The following CES5A variants were observed in gnomAD, a reference collection of about 807,000 sequenced individuals.
CES5A encodes the protein carboxylesterase 5.
CES5A carries 67 observed loss-of-function variants against 62.9 expected under a neutral mutation model. The ratio of observed to expected loss-of-function variants is 1.07; its 90% CI spans 0.88 to 1.31. CES5A has a LOEUF of 1.31. Among genes scored for constraint, CES5A ranks in the 50% most tolerant of loss-of-function variants. The pLI is 0.00. For synonymous variants in CES5A, 296 were observed against 280.8 expected, an observed-to-expected ratio of 1.05 and a Z score of -0.54; for missense variants, 748 against 708.5, an observed-to-expected ratio of 1.06 and a Z score of -0.63.
intron 1 of CES5A, among the ~76,000 whole-genome samples, chr16:55,883,824 A>T (rs2033786242): frequency 6.6e-6 from 1 of 152,112 alleles, no homozygotes. Context: ...ATCACTCCCA[A>T]CTGATGCACC....
chr16:55,869,415 G>C, intron 4 of CES5A, 196 bp downstream of exon 4: 1 of 1,045,830 alleles, frequency 9.6e-7, no homozygotes. Flanking sequence ...AAGTGAGAAA[G>C]AGATTTTTAT....
chr16:55,892,287 C>T (rs1306748019), intron 1 of CES5A, among the ~76,000 whole-genome samples: 1 of 152,162 alleles, frequency 6.6e-6, no homozygotes. Context: ...TTCAAATTGT[C>T]CCACCTTTCT....
At chr16:55,946,815 G>A (rs904827380) in intron 2 of CES5A, among the ~76,000 whole-genome samples, 2 of 152,208 alleles carry the variant, frequency 1.3e-5, no homozygotes, top group Non-Finnish European at 2.9e-5. Flanking sequence ...CTGGCCTTTG[G>A]TTTGATCCAG....
At chr16:55,913,918 A>G (rs1358714133) in intron 1 of CES5A, among the ~76,000 whole-genome samples, 1 of 152,162 alleles carries the variant, frequency 6.6e-6, no homozygotes, top group East Asian at 1.9e-4. Flanking sequence ...CCTGCAGCTC[A>G]CTAGGTGAGG....
At chr16:55,946,063 A>G (rs1230031499) in intron 2 of CES5A, among the ~76,000 whole-genome samples, 2 of 152,202 alleles carry the variant, frequency 1.3e-5, no homozygotes, top group Admixed American at 1.3e-4. Context: ...TAGCATTCGG[A>G]ATTCACTTAA....
intron 1 of CES5A, among the ~76,000 whole-genome samples, chr16:55,880,727 A>G (rs1310760789): frequency 6.6e-6 from 1 of 152,200 alleles, no homozygotes; most frequent in East Asian, 1.9e-4. Flanking sequence ...CTAGGTATAG[A>G]GGCAAGGGTA....
exon 1 of CES5A, chr16:55,955,940 C>T: frequency 2.0e-6 from 3 of 1,513,552 alleles, no homozygotes; most frequent in Non-Finnish European, 2.7e-6. Flanking sequence ...GGCCTTGACA[C>T]AGAGCCCCAG....
upstream of CES5A, among the ~76,000 whole-genome samples, chr16:55,926,252 T>C (rs556080603): frequency 5.0e-4 from 76 of 152,346 alleles, 1 homozygote; most frequent in Middle Eastern, 3.4e-3. Context: ...ACATCTATTA[T>C]GTATAAATTT....
chr16:55,943,404 A>T (rs1254170537), intron 2 of CES5A, among the ~76,000 whole-genome samples: 1 of 152,034 alleles, frequency 6.6e-6, no homozygotes, highest in Admixed American at 6.5e-5. Context: ...AGGTGTTAGG[A>T]CTCCACAGCC....
intron 5 of CES5A, among the ~76,000 whole-genome samples, chr16:55,865,174 C>G (rs2033431064): frequency 6.6e-6 from 1 of 152,102 alleles, no homozygotes; most frequent in South Asian, 2.1e-4. Flanking sequence ...CCATTGCACT[C>G]CAGCCTGGGC....
intron 1 of CES5A, among the ~76,000 whole-genome samples, chr16:55,882,108 TAG>T (rs1419388219): frequency 6.6e-6 from 1 of 152,198 alleles, no homozygotes; most frequent in East Asian, 1.9e-4. Context: ...AATCCCTTAC[TAG>T]ATCTTTCCAG....
intron 1 of CES5A, among the ~76,000 whole-genome samples, chr16:55,914,972 T>G (rs1460995468): frequency 1.3e-5 from 2 of 152,140 alleles, no homozygotes; most frequent in African/African-American, 2.4e-5. Context: ...TACTCTTGTG[T>G]AAATCTCAAA....
intron 5 of CES5A, among the ~76,000 whole-genome samples, chr16:55,864,079 C>T (rs180765783): frequency 6.6e-6 from 1 of 152,174 alleles, no homozygotes; most frequent in African/African-American, 2.4e-5. Flanking sequence ...TCGGTTCACT[C>T]CCCTGTAAAA....
chr16:55,871,476 C>T (rs551640372), intron 3 of CES5A, 149 bp downstream of exon 3: 7 of 810,530 alleles, frequency 8.6e-6, no homozygotes, highest in East Asian at 5.5e-5. Flanking sequence ...ATCTATCATT[C>T]AAATGATTTT....
intron 1 of CES5A, among the ~76,000 whole-genome samples, chr16:55,906,740 C>A (rs192607273): frequency 4.0e-4 from 61 of 152,252 alleles, no homozygotes; most frequent in East Asian, 9.7e-4. Flanking sequence ...TAAGACAGAC[C>A]TTGCAGGCAG....
chr16:55,936,090 C>A lies in CES5A; in HGVS notation c.160+13695G>T, dbSNP rs541617195. ...TTCCTCCTGACTTCAGTTCGGCATT[C>A]TCTGATGTGGTGCTTCAACTCTCAC... On this transcript the variant is annotated intron_variant, in intron 2 of 13. Coordinates refer to the CES5A transcript ENST00000521992. Among the ~76,000 whole-genome samples the A allele has an allele frequency of 8.5e-5, 13 of 152,262 alleles. No individual in the cohort carries two copies. In the South Asian group the frequency reaches 2.7e-3, roughly 32 times the overall value.
chr16:55,861,683 G>A (rs2033354990), intron 6 of CES5A, among the ~76,000 whole-genome samples, 167 bp from the exon 7 acceptor site: 1 of 151,934 alleles, frequency 6.6e-6, no homozygotes, highest in Admixed American at 6.5e-5. Context: ...GCACATGGTG[G>A]ACAGTTTCCC....
chr16:55,871,768 GAGA>G lies in CES5A; in HGVS notation c.279-8_279-6del, dbSNP rs2033594145. The G allele has an allele frequency of 6.2e-7, 1 of 1,613,708 alleles. No homozygotes were observed. The highest frequency in any genetic ancestry group is 8.5e-7 in the Non-Finnish European group (1 of 1,179,794). ...CACTCTGAGTTCTGGAGGCACCTTG[GAGA>G]AGGAGAGGAGAAAACCCTCAGAAAA... On this transcript the variant is annotated splice_region_variant and splice_polypyrimidine_tract_variant and intron_variant, in intron 2 of 12. Transcript: ENST00000290567.
intron 2 of CES5A, chr16:55,944,040 G>A: frequency 1.4e-6 from 1 of 702,050 alleles, no homozygotes; most frequent in South Asian, 1.5e-5. Flanking sequence ...GAGGTGAAGG[G>A]GACTCACCTC....
Sources: allele counts gnomAD v4.1 joint callset (sites outside exome capture counted in the v4.1 genomes callset), GRCh38; gene constraint gnomAD v4.1.1; transcripts MANE v1.5; gene names NCBI Gene and HGNC (gene_info 2026-07-23, HGNC 2026-07-21).